ZYG11B: variants seen among roughly 807,000 people sequenced by gnomAD.
ZYG11B encodes the protein zyg-11 family member B, cell cycle regulator.
Under a neutral mutation model 82.4 loss-of-function variants are expected in ZYG11B, and 36 were observed. That is an observed-to-expected ratio of 0.44 (90% confidence interval 0.33 to 0.58). The LOEUF (loss-of-function observed/expected upper bound fraction) is 0.58. Ranked by LOEUF, ZYG11B falls within the 20% of genes least tolerant of loss-of-function variation. The pLI, the probability that ZYG11B is intolerant of heterozygous loss-of-function variation, is 0.02. For synonymous variants in ZYG11B, 303 were observed against 312.8 expected (o/e 0.97, Z 0.33); for missense variants, 552 against 895.6 (o/e 0.62, Z 4.90).
intron 5 of ZYG11B, among the ~76,000 whole-genome samples, chr1:52,789,271 A>G (rs960219684): frequency 1.3e-5 from 2 of 152,148 alleles, no homozygotes; most frequent in Admixed American, 1.3e-4. Context: ...TTTGCCTTCT[A>G]TGATTGAATT....
intron 2 of ZYG11B, among the ~76,000 whole-genome samples, chr1:52,770,086 A>T (rs1394199025): frequency 8.2e-5 from 6 of 72,778 alleles, no homozygotes; most frequent in African/African-American, 2.4e-4. Flanking sequence ...ATATATATAT[A>T]TATATATTTT....
rs533774962 is a variant in ZYG11B, at chr1:52,789,533, C to G, written c.1270-470C>G. Among the ~76,000 whole-genome samples the G allele has an allele frequency of 3.3e-5, 5 of 152,170 alleles. No homozygotes were observed. In the South Asian group the frequency reaches 1.0e-3, roughly 32 times the overall value. ...TTTACTCTTGTTTAATTGTGCTGGTCTAAACTTTATTTAAAAGATAGAGCC... is the reference window on the plus strand; with the variant it reads ...TTTACTCTTGTTTAATTGTGCTGGTGTAAACTTTATTTAAAAGATAGAGCC... On this transcript the variant is annotated intron_variant, in intron 5 of 13. Coordinates refer to ENST00000294353, the MANE Select transcript of ZYG11B (RefSeq NM_024646.3).
chr1:52,756,224 C>T (rs1644575541), intron 1 of ZYG11B, among the ~76,000 whole-genome samples: 1 of 152,178 alleles, frequency 6.6e-6, no homozygotes, highest in Non-Finnish European at 1.5e-5. Flanking sequence ...AGTGTGTCCT[C>T]TATTTTAATA....
At chr1:52,803,880 C>T (rs910493556) in intron 10 of ZYG11B, among the ~76,000 whole-genome samples, 1 of 151,778 alleles carries the variant, frequency 6.6e-6, no homozygotes, top group African/African-American at 2.4e-5. Context: ...GCTGGGATTA[C>T]AGGCATGAGC....
chr1:52,809,928 A>G (rs746749661), intron 10 of ZYG11B, among the ~76,000 whole-genome samples: 1 of 152,164 alleles, frequency 6.6e-6, no homozygotes, highest in Non-Finnish European at 1.5e-5. Flanking sequence ...CTTATCAGAT[A>G]TATGTCTTGC....
rs1176952795 is a variant in ZYG11B at position 52,727,933 on chromosome 1, C to CT, written c.30+1257dup. Among the ~76,000 whole-genome samples the CT allele has an allele frequency of 5.9e-5, 9 of 152,220 alleles. No homozygotes were observed. The East Asian group carries it at 7.7e-4, about 13-fold the overall frequency. On this transcript the variant is annotated intron_variant, in intron 1 of 13. Coordinates refer to ENST00000294353, the MANE Select transcript of ZYG11B (RefSeq NM_024646.3). ...GTTCCCCTAGGAGGTTAGTCAGTTT[C>CT]TTTTTTTCCCTCCAGCAGTTTTTTA...
At chr1:52,789,754 G>A (rs763247416) in intron 5 of ZYG11B, among the ~76,000 whole-genome samples, 11 of 152,020 alleles carry the variant, frequency 7.2e-5, no homozygotes, top group Non-Finnish European at 1.3e-4. Flanking sequence ...CCAGAAAGGA[G>A]ATTAGCTGTA....
intron 1 of ZYG11B, among the ~76,000 whole-genome samples, chr1:52,753,391 G>A (rs935004781): frequency 6.7e-6 from 1 of 148,854 alleles, no homozygotes; most frequent in Non-Finnish European, 1.5e-5. Flanking sequence ...GTCCATGGTT[G>A]TTCTTCTTCT....
rs191880641 is a variant in ZYG11B at position 52,821,842 on chromosome 1, C to T, written c.*213C>T. The stretch of plus-strand genomic sequence containing the variant: ...AGTCAAGAAGGGTCTCTTCCTTTAT[C>T]ATTGCCTTTTAGGAAATTTTCCACA... On this transcript the variant is annotated 3_prime_UTR_variant, in exon 14 of 14. Coordinates refer to ENST00000294353, the MANE Select transcript of ZYG11B (RefSeq NM_024646.3). 1.2e-3 allele frequency: 495 copies of T among 406,014 alleles called. No homozygotes were observed. Among genetic ancestry groups the T allele is most frequent in the Non-Finnish European group, 1.8e-3 (406 of 231,390 alleles). 25.2% of individuals were successfully genotyped at this position (406,014 alleles called of 1,614,324 possible). A position where few individuals can be genotyped will look rare whatever the true frequency, so the allele number is the denominator to read the frequency against.
At chr1:52,726,779 G>C in intron 1 of ZYG11B, 96 bp downstream of exon 1, 1 of 1,254,318 alleles carries the variant, frequency 8.0e-7, no homozygotes, top group Non-Finnish European at 1.0e-6. Context: ...CCTGTCTCTG[G>C]TGTCCCCTCG....
intron 1 of ZYG11B, among the ~76,000 whole-genome samples, chr1:52,736,438 A>G (rs1644378995): frequency 6.6e-6 from 1 of 151,284 alleles, no homozygotes; most frequent in Non-Finnish European, 1.5e-5. Context: ...ATGCCCAGCT[A>G]ATTTTTTTCT....
At chr1:52,784,036 G>C (rs961257067) in intron 4 of ZYG11B, among the ~76,000 whole-genome samples, 2 of 139,964 alleles carry the variant, frequency 1.4e-5, no homozygotes, top group Non-Finnish European at 3.1e-5. Flanking sequence ...TTGTCATCCA[G>C]GCTTGAGTGC....
chr1:52,805,910 A>G (rs1049254675), intron 10 of ZYG11B, among the ~76,000 whole-genome samples: 1 of 152,112 alleles, frequency 6.6e-6, no homozygotes, highest in Non-Finnish European at 1.5e-5. Context: ...CCAAAGGAAT[A>G]CATGTTGTTA....
intron 4 of ZYG11B, among the ~76,000 whole-genome samples, chr1:52,784,102 C>T (rs988132708): frequency 6.6e-6 from 1 of 152,044 alleles, no homozygotes; most frequent in Admixed American, 6.6e-5. Context: ...AGCAGTTCTC[C>T]TGCTTCAGCC....
intron 1 of ZYG11B, among the ~76,000 whole-genome samples, chr1:52,741,662 G>C (rs903636790): frequency 2.0e-5 from 3 of 152,040 alleles, no homozygotes; most frequent in African/African-American, 7.3e-5. Context: ...CAGTAGAGAA[G>C]AAAATGCGGG....
chr1:52,738,838 GACCTCAGGTGATCCGCCC>G (rs1644399163), intron 1 of ZYG11B, among the ~76,000 whole-genome samples: 1 of 150,646 alleles, frequency 6.6e-6, no homozygotes, highest in Admixed American at 6.6e-5. Context: ...TCAAACTCCC[GACCTCAGGTGATCCGCCC>G]ACCTTGGCCT....
At chr1:52,811,379 G>C (rs986480181) in intron 10 of ZYG11B, among the ~76,000 whole-genome samples, 1 of 151,978 alleles carries the variant, frequency 6.6e-6, no homozygotes, top group Non-Finnish European at 1.5e-5. Context: ...TAGACTTCTC[G>C]ACATTATCCC....
intron 8 of ZYG11B, among the ~76,000 whole-genome samples, chr1:52,797,799 G>A (rs375826584): frequency 1.0e-4 from 15 of 148,416 alleles, no homozygotes; most frequent in Non-Finnish European, 1.9e-4. Flanking sequence ...GTGAGCCACC[G>A]TGCCCGGCCA....
At position 52,780,100 on chromosome 1, in the gene ZYG11B, A is replaced by G. The variant is rs56115016; in HGVS notation, c.1092+107A>G. 7,944 of 1,080,746 alleles carry G rather than the reference A, an allele frequency of 7.4e-3. 46 individuals carry two copies. The highest frequency in any genetic ancestry group is 9.5e-3 in the Non-Finnish European group (7,187 of 758,148). 66.9% of individuals were successfully genotyped at this position (1,080,746 alleles called of 1,614,324 possible). A position where few individuals can be genotyped will look rare whatever the true frequency, so the allele number is the denominator to read the frequency against. ...TGCATTTAGTCTTTTTTTATTATTT[A>G]TAATGTGATTGATGACGTGTGATTT... On this transcript the variant is annotated intron_variant, in intron 4 of 13. Coordinates refer to ENST00000294353, the MANE Select transcript of ZYG11B (RefSeq NM_024646.3).
Sources: gnomAD v4.1 joint callset for allele counts (sites outside exome capture counted in the v4.1 genomes callset) on GRCh38, gnomAD v4.1.1 for gene constraint, MANE v1.5 for transcripts, NCBI Gene and HGNC (gene_info 2026-07-23, HGNC 2026-07-21) for gene names.